TTF2: variants seen among roughly 807,000 people sequenced by gnomAD.
TTF2 encodes the protein transcription termination factor 2.
Under a neutral mutation model 142.4 loss-of-function variants are expected in TTF2, and 108 were observed. The ratio of observed to expected loss-of-function variants is 0.76; its 90% CI spans 0.65 to 0.89. The LOEUF (loss-of-function observed/expected upper bound fraction) is 0.89. Ranked by LOEUF, TTF2 falls within the 40% of genes least tolerant of loss-of-function variation. The pLI, the probability that TTF2 is intolerant of heterozygous loss-of-function variation, is 0.00. For missense variants in TTF2, 1,327 were observed against 1,379.8 expected, an observed-to-expected ratio of 0.96 and a Z score of 0.61; for synonymous variants, 483 against 506.2, an observed-to-expected ratio of 0.95 and a Z score of 0.61.
chr1:117,089,005 G>A, intron 13 of TTF2, 23 bp downstream of exon 13: 1 of 1,583,222 alleles, frequency 6.3e-7, no homozygotes, highest in South Asian at 1.2e-5. Context: ...TCGTGATTGT[G>A]TAAATATGAA....
At chr1:117,077,650 G>C (rs1455297611) in intron 7 of TTF2, among the ~76,000 whole-genome samples, 2 of 152,168 alleles carry the variant, frequency 1.3e-5, no homozygotes, top group Admixed American at 1.3e-4. Context: ...AAGATTCCAA[G>C]TGGAGCCTGA....
chr1:117,095,689 A>T (rs1370030656), intron 19 of TTF2, among the ~76,000 whole-genome samples: 6 of 152,238 alleles, frequency 3.9e-5, no homozygotes, highest in Non-Finnish European at 8.8e-5. Context: ...CTCATTTGTT[A>T]TACCTGACAT....
Position 117,101,890 on chromosome 1 carries a change from C to A in TTF2, c.*366C>A. Reference sequence around the variant, plus strand: ...GGTGTGGTGGCTCATGCCTGTAATCCCGACACTTTGGGAGGCCAAGGCAGG... The same window carrying A: ...GGTGTGGTGGCTCATGCCTGTAATCACGACACTTTGGGAGGCCAAGGCAGG... On this transcript the variant is annotated 3_prime_UTR_variant, in exon 23 of 23. Coordinates refer to ENST00000369466, the MANE Select transcript of TTF2 (RefSeq NM_003594.4). This position sits in a 1 kb window ranked among gnomAD's most constrained non-coding sequence, Gnocchi z 5.9. The A allele has an allele frequency of 6.2e-6, 1 of 160,680 alleles. No homozygotes were observed. Among genetic ancestry groups the A allele is most frequent in the Non-Finnish European group, 1.4e-5 (1 of 73,828 alleles). 10.0% of individuals were successfully genotyped at this position (160,680 alleles called of 1,614,324 possible). A position where few individuals can be genotyped will look rare whatever the true frequency, so the allele number is the denominator to read the frequency against.
chr1:117,081,130 G>A (rs937189785), intron 9 of TTF2, among the ~76,000 whole-genome samples: 1 of 152,230 alleles, frequency 6.6e-6, no homozygotes, highest in Admixed American at 6.5e-5. Context: ...TCAAAGGATA[G>A]CAGGCAGGCC....
chr1:117,080,076 C>T lies in TTF2; in HGVS notation c.1783+427C>T, dbSNP rs989001734. On this transcript the variant is annotated intron_variant, in intron 9 of 22. Transcript: ENST00000369466. This position sits in a 1 kb window ranked among gnomAD's most constrained non-coding sequence, Gnocchi z 4.3. Reference sequence around the variant, plus strand: ...CCAGGCTGGAGTGCTGTGGTGCGATCTCGGCTCACTGCAACCTCCGCTTCC... The same window carrying T: ...CCAGGCTGGAGTGCTGTGGTGCGATTTCGGCTCACTGCAACCTCCGCTTCC... Among the ~76,000 whole-genome samples the T allele has an allele frequency of 3.6e-4, 53 of 148,926 alleles. 1 individual carries two copies. The highest frequency in any genetic ancestry group is 1.6e-4 in the Non-Finnish European group (11 of 67,702).
chr1:117,105,001 T>C lies in TTF2; in HGVS notation c.*3477T>C, dbSNP rs148884654. 7 of 152,338 alleles carry C rather than the reference T, an allele frequency of 4.6e-5. No homozygotes were observed. Among genetic ancestry groups the C allele is most frequent in the African/African-American group, 7.2e-5 (3 of 41,580 alleles). The allele number at this position is 152,338 out of a possible 1,614,324, so 9.4% of individuals were successfully genotyped here. A position where few individuals can be genotyped will look rare whatever the true frequency, so the allele number is the denominator to read the frequency against. ...AGCATCCCACAACACAGTGGTCTAA[T>C]TGAGGTGCTGCACTATGAGTCCTGC... On this transcript the variant is annotated 3_prime_UTR_variant, in exon 23 of 23. Coordinates refer to ENST00000369466, the MANE Select transcript of TTF2 (RefSeq NM_003594.4). This position sits in a 1 kb window ranked among gnomAD's most constrained non-coding sequence, Gnocchi z 4.7.
Position 117,076,565 on chromosome 1 carries a change from A to T in TTF2, c.1391-76A>T. On this transcript the variant is annotated intron_variant, in intron 6 of 22. Transcript: ENST00000369466. The surrounding 1 kb of genome is among the most constrained non-coding windows in gnomAD (Gnocchi z 4.6). The stretch of plus-strand genomic sequence containing the variant: ...GAATGGTGATGATCCCTCTCTCTTG[A>T]CCTCACCTCCACACATATGGTCCCT... The T allele has an allele frequency of 1.3e-5, 18 of 1,398,150 alleles. No homozygotes were observed. Among genetic ancestry groups the T allele is most frequent in the Non-Finnish European group, 1.7e-5 (17 of 1,021,486 alleles). The allele number at this position is 1,398,150 out of a possible 1,614,324, so 86.6% of individuals were successfully genotyped here. A position where few individuals can be genotyped will look rare whatever the true frequency, so the allele number is the denominator to read the frequency against.
Position 117,076,385 on chromosome 1 carries a change from A to G in TTF2, c.1390+91A>G. 1.8e-6 allele frequency: 2 copies of G among 1,089,004 alleles called. No homozygotes were observed. Among genetic ancestry groups the G allele is most frequent in the Middle Eastern group, 2.1e-4 (1 of 4,860 alleles). 67.5% of individuals were successfully genotyped at this position (1,089,004 alleles called of 1,614,324 possible). Reference sequence around the variant, plus strand: ...CTTTTAATAAAGAATGTGTTGATTCATTCACTTTTCCATTTTATTATCTGC... The same window carrying G: ...CTTTTAATAAAGAATGTGTTGATTCGTTCACTTTTCCATTTTATTATCTGC... On this transcript the variant is annotated intron_variant, in intron 6 of 22. Coordinates refer to ENST00000369466, the MANE Select transcript of TTF2 (RefSeq NM_003594.4). This position sits in a 1 kb window ranked among gnomAD's most constrained non-coding sequence, Gnocchi z 4.6.
Position 117,060,586 on chromosome 1 carries a change from G to A in TTF2, c.131+29G>A, listed in dbSNP as rs745497666. 2 of 1,568,606 alleles carry A rather than the reference G, an allele frequency of 1.3e-6. 1 individual carries two copies. Reference sequence around the variant, plus strand: ...GGTCTGGAGCTGGGCCCCACTCCCTGTGGCTGCCCGGGGCCTCCCGAGAGG... The same window carrying A: ...GGTCTGGAGCTGGGCCCCACTCCCTATGGCTGCCCGGGGCCTCCCGAGAGG... On this transcript the variant is annotated intron_variant, in intron 2 of 22. Coordinates refer to ENST00000369466, the MANE Select transcript of TTF2 (RefSeq NM_003594.4).
chr1:117,070,876 G>T lies in TTF2; in HGVS notation c.219-2785G>T, dbSNP rs906466809. ...TGGGCTTGTTCATCTTTGTTTATGT[G>T]TCCTGGTGAAGTAGTGGCATCAAGG... On this transcript the variant is annotated intron_variant, in intron 3 of 22. Transcript: ENST00000369466. This position sits in a 1 kb window ranked among gnomAD's most constrained non-coding sequence, Gnocchi z 4.2. Among the ~76,000 whole-genome samples the T allele has an allele frequency of 1.3e-5, 2 of 152,080 alleles. No individual in the cohort carries two copies. The highest frequency in any genetic ancestry group is 4.8e-5 in the African/African-American group (2 of 41,416).
chr1:117,076,056 G>A lies in TTF2; in HGVS notation c.1276-124G>A. Reference sequence around the variant, plus strand: ...GGGTTAAAATTTAAAAAAGGTTCTGGTTTTTGCACACATATTTAAAAGACC... The same window carrying A: ...GGGTTAAAATTTAAAAAAGGTTCTGATTTTTGCACACATATTTAAAAGACC... On this transcript the variant is annotated intron_variant, in intron 5 of 22. Coordinates refer to ENST00000369466, the MANE Select transcript of TTF2 (RefSeq NM_003594.4). This position sits in a 1 kb window ranked among gnomAD's most constrained non-coding sequence, Gnocchi z 4.6. 7.7e-7 allele frequency: 1 copy of A among 1,295,038 alleles called. No individual in the cohort carries two copies. The highest frequency in any genetic ancestry group is 1.0e-6 in the Non-Finnish European group (1 of 955,878). 80.2% of individuals were successfully genotyped at this position (1,295,038 alleles called of 1,614,324 possible).
rs974592099 is a variant in TTF2 at position 117,075,850 on chromosome 1, A to G, written c.1266A>G (p.Lys422=). ...ARRVYLTTQL[K]QKKSTLASVN... ...GTGTCTACCTTACAACACAACTGAA[A>G]CAAAAGAAGGTAACTATTGACTCGT... The change falls in exon 5 of 23, where the codon AAA becomes AAG. Residue 422 remains lysine, a synonymous_variant. Transcript: ENST00000369466. The surrounding 1 kb of genome is among the most constrained non-coding windows in gnomAD (Gnocchi z 4.5). 6.2e-7 allele frequency: 1 copy of G among 1,604,518 alleles called. No individual in the cohort carries two copies. The highest frequency in any genetic ancestry group is 1.7e-5 in the Admixed American group (1 of 57,886).
intron 19 of TTF2, among the ~76,000 whole-genome samples, chr1:117,095,892 C>A (rs1045549959): frequency 6.6e-6 from 1 of 152,108 alleles, no homozygotes; most frequent in Non-Finnish European, 1.5e-5. Context: ...AGGCTGGAGT[C>A]ATCACTTTAC....
In TTF2 at chr1:117,076,230, G is replaced by A. The variant is rs1268666136; in HGVS notation, c.1326G>A (p.Lys442=). 2 of 1,613,978 alleles carry A rather than the reference G, an allele frequency of 1.2e-6. No individual in the cohort carries two copies. Among genetic ancestry groups the A allele is most frequent in the South Asian group, 1.1e-5 (1 of 91,076 alleles). ...NIQALPDKGQ[K]LIKQIQELEE... ...AGGCTCTTCCAGACAAGGGTCAGAA[G>A]TTGATCAAACAAATCCAGGAGCTGG... Residue 442 remains lysine (K), a synonymous_variant, in exon 6 of 23, where the codon AAG becomes AAA. Coordinates refer to ENST00000369466, the MANE Select transcript of TTF2 (RefSeq NM_003594.4). This position sits in a 1 kb window ranked among gnomAD's most constrained non-coding sequence, Gnocchi z 4.6.
Position 117,085,661 on chromosome 1 carries a change from T to G in TTF2, c.2055-756T>G, listed in dbSNP as rs1344533762. Among the ~76,000 whole-genome samples, 1 of 152,122 alleles carries G rather than the reference T, an allele frequency of 6.6e-6. No homozygotes were observed. Among genetic ancestry groups the G allele is most frequent in the Non-Finnish European group, 1.5e-5 (1 of 68,040 alleles). On this transcript the variant is annotated intron_variant, in intron 11 of 22. Coordinates refer to ENST00000369466, the MANE Select transcript of TTF2 (RefSeq NM_003594.4). This position sits in a 1 kb window ranked among gnomAD's most constrained non-coding sequence, Gnocchi z 4.7. Reference sequence around the variant, plus strand: ...TTAGCAGAATTTTACTTTATTTCAATAAATACTTTATTTTATTTTATTATT... The same window carrying G: ...TTAGCAGAATTTTACTTTATTTCAAGAAATACTTTATTTTATTTTATTATT...
chr1:117,082,521 T>C (rs1312973392), intron 10 of TTF2, among the ~76,000 whole-genome samples: 1 of 152,208 alleles, frequency 6.6e-6, no homozygotes, highest in African/African-American at 2.4e-5. Context: ...CCAATAATTA[T>C]TATTTTTGGA....
At position 117,086,536 on chromosome 1, in the gene TTF2, G is replaced by C. The variant is rs367813486; in HGVS notation, c.2160+14G>C. 1 of 1,600,038 alleles carries C rather than the reference G, an allele frequency of 6.2e-7. No homozygotes were observed. Among genetic ancestry groups the C allele is most frequent in the Admixed American group, 1.7e-5 (1 of 59,662 alleles). ...CTCAATGTGGAGGTGAGGCTGGGGG[G>C]CAGCCAGGGAAGTGGAGTTGGAGCC... On this transcript the variant is annotated intron_variant, in intron 12 of 22. Coordinates refer to ENST00000369466, the MANE Select transcript of TTF2 (RefSeq NM_003594.4). The surrounding 1 kb of genome is among the most constrained non-coding windows in gnomAD (Gnocchi z 4.2).
At chr1:117,089,210 T>C (rs886380211) in intron 13 of TTF2, among the ~76,000 whole-genome samples, 1 of 148,560 alleles carries the variant, frequency 6.7e-6, no homozygotes, top group Admixed American at 6.7e-5. Context: ...TATGCAAAAA[T>C]ATAGGACTTT....
At chr1:117,077,886 A>G (rs1259576342) in intron 7 of TTF2, 30 bp from the exon 8 acceptor site, 1 of 1,612,558 alleles carries the variant, frequency 6.2e-7, no homozygotes, top group South Asian at 1.1e-5. Context: ...TACTTGTGAC[A>G]TCTTTTAGGT....
Sources: allele counts gnomAD v4.1 joint callset (sites outside exome capture counted in the v4.1 genomes callset), GRCh38; gene constraint gnomAD v4.1.1; non-coding constraint Gnocchi (gnomAD v3.1); transcripts MANE v1.5; gene names NCBI Gene and HGNC (gene_info 2026-07-23, HGNC 2026-07-21).